The following SLC9A9 variants were observed in gnomAD, a reference collection of about 807,000 sequenced individuals.
SLC9A9 encodes sodium/hydrogen exchanger 9.
Under a neutral mutation model 77.8 loss-of-function variants are expected in SLC9A9, and 62 were observed. The ratio of observed to expected loss-of-function variants is 0.80; its 90% CI spans 0.65 to 0.98. The LOEUF (loss-of-function observed/expected upper bound fraction) is 0.98, where lower values mean the gene tolerates loss of function less well. Ranked by LOEUF, SLC9A9 falls within the 50% of genes least tolerant of loss-of-function variation. The probability of loss-of-function intolerance (pLI) is 0.00; values close to 1 mark genes in which losing one functional copy is unlikely to be tolerated. For missense variants in SLC9A9, 775 were observed against 774.9 expected, an observed-to-expected ratio of 1.00 and a Z score of 0.00; for synonymous variants, 320 against 283.5, an observed-to-expected ratio of 1.13 and a Z score of -1.29.
intron 9 of SLC9A9, among the ~76,000 whole-genome samples, chr3:143,545,215 C>CA (rs1417144206): frequency 2.6e-5 from 4 of 152,144 alleles, no homozygotes; most frequent in Non-Finnish European, 5.9e-5. Flanking sequence ...ATCTGCGTGA[C>CA]AATATCCTAA....
intron 9 of SLC9A9, among the ~76,000 whole-genome samples, chr3:143,548,047 A>G (rs2036817933): frequency 6.6e-6 from 1 of 152,256 alleles, no homozygotes; most frequent in African/African-American, 2.4e-5. Flanking sequence ...GTAGAAAGTA[A>G]ATGAGATAAG....
chr3:143,378,149 C>G (rs2033223049), intron 13 of SLC9A9, among the ~76,000 whole-genome samples: 2 of 152,286 alleles, frequency 1.3e-5, no homozygotes, highest in South Asian at 4.1e-4. Flanking sequence ...TTACCTTTTT[C>G]TTATCAGTGT....
At chr3:143,426,188 A>G (rs764682985) in intron 12 of SLC9A9, among the ~76,000 whole-genome samples, 1 of 152,208 alleles carries the variant, frequency 6.6e-6, no homozygotes, top group Non-Finnish European at 1.5e-5. Context: ...CTGGCAAATT[A>G]TTGTTGGGTT....
At chr3:143,556,019 T>C (rs1217981865) in intron 8 of SLC9A9, among the ~76,000 whole-genome samples, 2 of 152,264 alleles carry the variant, frequency 1.3e-5, no homozygotes, top group Admixed American at 1.3e-4. Context: ...GTATGACTTT[T>C]ACAAGCCAAA....
chr3:143,277,938 G>A (rs1938102137), intron 14 of SLC9A9, among the ~76,000 whole-genome samples: 1 of 152,160 alleles, frequency 6.6e-6, no homozygotes, highest in Admixed American at 6.5e-5. Context: ...AGTCCTATAA[G>A]CACTAGAGTT....
intron 9 of SLC9A9, among the ~76,000 whole-genome samples, chr3:143,533,705 G>T (rs1427983385): frequency 2.6e-5 from 4 of 152,158 alleles, no homozygotes; most frequent in Non-Finnish European, 2.9e-5. Context: ...GAGAGAGAAA[G>T]AATTTAAATA....
At chr3:143,683,918 T>C (rs1933183050) in intron 5 of SLC9A9, among the ~76,000 whole-genome samples, 2 of 152,028 alleles carry the variant, frequency 1.3e-5, no homozygotes, top group South Asian at 4.1e-4. Context: ...AATATACATG[T>C]CTCACTGTAT....
At chr3:143,476,741 G>A (rs1268870931) in intron 11 of SLC9A9, among the ~76,000 whole-genome samples, 2 of 152,156 alleles carry the variant, frequency 1.3e-5, no homozygotes, top group Non-Finnish European at 2.9e-5. Context: ...TTTAACTGGA[G>A]TGATTTTGAT....
intron 6 of SLC9A9, among the ~76,000 whole-genome samples, chr3:143,603,200 G>A (rs1477886693): frequency 6.6e-6 from 1 of 152,126 alleles, no homozygotes. Context: ...ATCTCTGAAT[G>A]GTCTTCATCC....
At chr3:143,517,756 G>A (rs2036229296) in intron 9 of SLC9A9, 7 of 1,598,214 alleles carry the variant, frequency 4.4e-6, no homozygotes, top group East Asian at 2.2e-5. Flanking sequence ...GTAATTTGAC[G>A]AAGACACTGG....
chr3:143,814,481 G>A (rs527241597), intron 2 of SLC9A9, among the ~76,000 whole-genome samples: 6 of 152,116 alleles, frequency 3.9e-5, no homozygotes, highest in Non-Finnish European at 8.8e-5. Flanking sequence ...TGAAACCCAG[G>A]GCTGCAGAAA....
At chr3:143,589,888 C>T (rs546053417) in intron 6 of SLC9A9, among the ~76,000 whole-genome samples, 2 of 152,140 alleles carry the variant, frequency 1.3e-5, no homozygotes, top group Admixed American at 1.3e-4. Flanking sequence ...TACACCCCAA[C>T]TTCATAGACT....
intron 4 of SLC9A9, among the ~76,000 whole-genome samples, chr3:143,749,621 C>T (rs558507867): frequency 6.6e-6 from 1 of 152,304 alleles, no homozygotes; most frequent in South Asian, 2.1e-4. Context: ...CATATGTTAA[C>T]GCTAGAGTTG....
At chr3:143,705,052 GATATAGAT>G (rs368938782) in intron 4 of SLC9A9, among the ~76,000 whole-genome samples, 1,965 of 37,404 alleles carry the variant, frequency 0.053, 65 homozygotes, top group African/African-American at 0.13. Context: ...TATAGATATA[GATATAGAT>G]ATATAGATAT....
intron 1 of SLC9A9, among the ~76,000 whole-genome samples, chr3:143,846,949 C>T (rs529755598): frequency 5.9e-4 from 90 of 152,170 alleles, no homozygotes; most frequent in Non-Finnish European, 9.3e-4. Context: ...ACCCTCAGTA[C>T]CAAGGAATTT....
chr3:143,686,732 A>C (rs1933282971), intron 5 of SLC9A9, among the ~76,000 whole-genome samples: 1 of 152,200 alleles, frequency 6.6e-6, no homozygotes, highest in African/African-American at 2.4e-5. Context: ...CGAGACCCCA[A>C]GACAGCAATG....
At chr3:143,490,297 A>G in intron 11 of SLC9A9, among the ~76,000 whole-genome samples, 1 of 152,212 alleles carries the variant, frequency 6.6e-6, no homozygotes. Context: ...TGAATAGATA[A>G]GTAAAATGTG....
intron 12 of SLC9A9, among the ~76,000 whole-genome samples, chr3:143,405,958 G>A (rs542163865): frequency 3.3e-5 from 5 of 152,138 alleles, no homozygotes; most frequent in Non-Finnish European, 5.9e-5. Flanking sequence ...AATTTTCACT[G>A]GTTTAAATGC....
intron 9 of SLC9A9, among the ~76,000 whole-genome samples, chr3:143,512,791 C>T (rs774874443): frequency 2.6e-5 from 4 of 152,206 alleles, no homozygotes; most frequent in African/African-American, 4.8e-5. Flanking sequence ...CAGAGAATTG[C>T]TTGAACCCGG....
Sources: gnomAD v4.1 joint callset for allele counts (sites outside exome capture counted in the v4.1 genomes callset) on GRCh38, gnomAD v4.1.1 for gene constraint, MANE v1.5 for transcripts, NCBI Gene and HGNC (gene_info 2026-07-23, HGNC 2026-07-21) for gene names.